The following UGT1A8 variants were observed in gnomAD, a reference collection of about 807,000 sequenced individuals.
The protein encoded by UGT1A8 is UDP glucuronosyltransferase family 1 member A8.
In UGT1A8, 39 loss-of-function variants were observed where a neutral mutation model predicts 45.3. The observed-to-expected ratio is 0.86, with a 90% CI of 0.67 to 1.12. UGT1A8 has a LOEUF of 1.12. Among genes scored for constraint, UGT1A8 ranks in the 50% most tolerant of loss-of-function variants. The pLI, the probability that UGT1A8 is intolerant of heterozygous loss-of-function variation, is 0.00. For synonymous variants in UGT1A8, 275 were observed against 249.2 expected, an observed-to-expected ratio of 1.10 and a Z score of -0.97; for missense variants, 719 against 664.9, an observed-to-expected ratio of 1.08 and a Z score of -0.90.
chr2:233,734,945 G>A (rs141411255), intron 1 of UGT1A8, among the ~76,000 whole-genome samples: 9,860 of 152,158 alleles, frequency 0.065, 535 homozygotes, highest in African/African-American at 0.16. Context: ...CATATGGTCA[G>A]TTTTAGAATA....
rs1126785 is a variant in UGT1A8 at position 233,617,990 on chromosome 2, G to A, written c.283G>A (p.Asp95Asn). Residue 95 changes from aspartate (D) to asparagine (N), a missense_variant, in exon 1 of 5, where the codon GAT becomes AAT. Asp to Asn is a conservative substitution (Grantham distance 23). Transcript: ENST00000373450. ...DLDREFMDFA[D>N]AQWKAQVRSL... is the part of the protein sequence containing the mutation. ...GGACCGGGAATTCATGGATTTCGCCGATGCTCAATGGAAAGCACAAGTACG... is the reference window on the plus strand; with the variant it reads ...GGACCGGGAATTCATGGATTTCGCCAATGCTCAATGGAAAGCACAAGTACG... The A allele has an allele frequency of 5.3e-5, 86 of 1,614,046 alleles. No homozygotes were observed. Among genetic ancestry groups the A allele is most frequent in the Non-Finnish European group, 6.2e-5 (73 of 1,180,050 alleles).
intron 1 of UGT1A8, among the ~76,000 whole-genome samples, chr2:233,701,797 G>A (rs981416770): frequency 2.0e-5 from 3 of 152,060 alleles, no homozygotes. Flanking sequence ...TGAAATCAAC[G>A]AGAACAAAGA....
intron 1 of UGT1A8, among the ~76,000 whole-genome samples, chr2:233,704,952 A>G (rs1012148200): frequency 3.3e-5 from 5 of 152,108 alleles, no homozygotes; most frequent in African/African-American, 4.8e-5. Context: ...CCTGGCCAAC[A>G]TGGTGAAACC....
At position 233,718,885 on chromosome 2, in the gene UGT1A8, T is replaced by C. The variant is rs774756189; in HGVS notation, c.856-48149T>C. ...ACAGGACTGCTGCTCCTCCTCAGTG[T>C]CCAGCCCTGGGCTGAGAGTGGAAAG... On this transcript the variant is annotated intron_variant, in intron 1 of 4. Transcript: ENST00000373450. The C allele has an allele frequency of 6.2e-6, 10 of 1,613,986 alleles. No individual in the cohort carries two copies. Among genetic ancestry groups the C allele is most frequent in the Middle Eastern group, 1.7e-4 (1 of 5,990 alleles).
At chr2:233,667,421 TA>T (rs1187193414) in intron 1 of UGT1A8, among the ~76,000 whole-genome samples, 7 of 152,162 alleles carry the variant, frequency 4.6e-5, no homozygotes, top group Non-Finnish European at 5.9e-5. Context: ...CCTTAAACCA[TA>T]AAAACCCTAG....
At chr2:233,717,557 A>T (rs1319791307) in intron 1 of UGT1A8, among the ~76,000 whole-genome samples, 2 of 152,230 alleles carry the variant, frequency 1.3e-5, no homozygotes, top group Non-Finnish European at 2.9e-5. Flanking sequence ...CAGCAATGGC[A>T]GACATGGCCA....
intron 1 of UGT1A8, among the ~76,000 whole-genome samples, chr2:233,736,611 AT>A (rs2078784415): frequency 6.6e-6 from 1 of 151,912 alleles, no homozygotes; most frequent in East Asian, 1.9e-4. Context: ...GGTTTTTAGA[AT>A]TTTCAGCTTT....
At chr2:233,701,427 C>T (rs1037772599) in intron 1 of UGT1A8, among the ~76,000 whole-genome samples, 1 of 152,092 alleles carries the variant, frequency 6.6e-6, no homozygotes, top group African/African-American at 2.4e-5. Flanking sequence ...CAACATTAGA[C>T]AGATCAACGA....
chr2:233,678,189 A>G (rs918890565), intron 1 of UGT1A8, among the ~76,000 whole-genome samples: 1 of 152,206 alleles, frequency 6.6e-6, no homozygotes, highest in Non-Finnish European at 1.5e-5. Flanking sequence ...AGGCTGCAAG[A>G]GTTGAAAAAC....
At position 233,773,221 on chromosome 2, in the gene UGT1A8, T is replaced by C. The variant is rs1191094075; in HGVS notation, c.*662T>C. ...ATTTGATAAAAACCCAAAATACAGC[T>C]ATGAAGTGCTGGGCAAGTTTACTTT... On this transcript the variant is annotated 3_prime_UTR_variant, in exon 5 of 5. Coordinates refer to ENST00000373450, the MANE Select transcript of UGT1A8 (RefSeq NM_019076.5). The C allele has an allele frequency of 6.6e-6, 1 of 152,384 alleles. No individual in the cohort carries two copies. The highest frequency in any genetic ancestry group is 2.4e-5 in the African/African-American group (1 of 41,462). 9.4% of individuals were successfully genotyped at this position (152,384 alleles called of 1,614,324 possible). A position where few individuals can be genotyped will look rare whatever the true frequency, so the allele number is the denominator to read the frequency against.
intron 1 of UGT1A8, among the ~76,000 whole-genome samples, chr2:233,668,187 T>C (rs1237196834): frequency 1.3e-5 from 2 of 152,172 alleles, no homozygotes; most frequent in African/African-American, 4.8e-5. Flanking sequence ...GTATTTTTCC[T>C]AATGCTATCC....
chr2:233,670,424 C>T (rs1022203029), intron 1 of UGT1A8, among the ~76,000 whole-genome samples: 3 of 152,182 alleles, frequency 2.0e-5, no homozygotes, highest in African/African-American at 7.2e-5. Context: ...AGTACTAGTC[C>T]TTCTTCCCCA....
chr2:233,761,146 T>C lies in UGT1A8; in HGVS notation c.856-5888T>C, dbSNP rs1337384419. On this transcript the variant is annotated intron_variant, in intron 1 of 4. Coordinates refer to ENST00000373450, the MANE Select transcript of UGT1A8 (RefSeq NM_019076.5). ...CAACTGCCTTCACCAAAATCCACTATCCCAGGTGTGTATTGGAGTGGGACT... is the reference window on the plus strand; with the variant it reads ...CAACTGCCTTCACCAAAATCCACTACCCCAGGTGTGTATTGGAGTGGGACT... 8.1e-6 allele frequency: 13 copies of C among 1,614,114 alleles called. No individual in the cohort carries two copies. The highest frequency in any genetic ancestry group is 4.0e-5 in the African/African-American group (3 of 74,946).
intron 1 of UGT1A8, among the ~76,000 whole-genome samples, chr2:233,657,250 C>T (rs770263464): frequency 6.6e-5 from 10 of 152,120 alleles, no homozygotes; most frequent in Non-Finnish European, 1.0e-4. Flanking sequence ...AAGCACCTGG[C>T]GGTTTAGTTT....
At position 233,713,223 on chromosome 2, in the gene UGT1A8, A is replaced by G. The variant is rs72551334; in HGVS notation, c.856-53811A>G. 6 of 1,614,250 alleles carry G rather than the reference A, an allele frequency of 3.7e-6. No homozygotes were observed. In the South Asian group the frequency reaches 4.4e-5, roughly 12 times the overall value. On this transcript the variant is annotated intron_variant, in intron 1 of 4. Coordinates refer to ENST00000373450, the MANE Select transcript of UGT1A8 (RefSeq NM_019076.5). ...CAAAGAAGAGAACTTTTTCACCCTG[A>G]CAACGTATGCCATTTCATGGACCCA...
intron 1 of UGT1A8, among the ~76,000 whole-genome samples, chr2:233,701,040 G>A (rs1195545458): frequency 2.6e-5 from 4 of 152,104 alleles, no homozygotes; most frequent in African/African-American, 9.7e-5. Flanking sequence ...CCCTACAAAG[G>A]ACATGAACTC....
At chr2:233,623,327 T>C (rs541280273) in intron 1 of UGT1A8, among the ~76,000 whole-genome samples, 1 of 152,314 alleles carries the variant, frequency 6.6e-6, no homozygotes, top group East Asian at 1.9e-4. Flanking sequence ...AGTATGGCCA[T>C]TTTTGTGATA....
At chr2:233,662,631 G>A (rs1339480517) in intron 1 of UGT1A8, among the ~76,000 whole-genome samples, 1 of 151,994 alleles carries the variant, frequency 6.6e-6, no homozygotes, top group Admixed American at 6.6e-5. Flanking sequence ...TCTTTTTCTT[G>A]TTTGACTGCA....
At chr2:233,621,056 C>T (rs529755387) in intron 1 of UGT1A8, among the ~76,000 whole-genome samples, 41 of 152,216 alleles carry the variant, frequency 2.7e-4, no homozygotes, top group African/African-American at 8.7e-4. Flanking sequence ...AACAAAATCT[C>T]CTTGAGTCTA....
Sources: allele counts gnomAD v4.1 joint callset (sites outside exome capture counted in the v4.1 genomes callset), GRCh38; gene constraint gnomAD v4.1.1; transcripts MANE v1.5; gene names NCBI Gene and HGNC (gene_info 2026-07-23, HGNC 2026-07-21).